Variants in TMTC2 observed in about 807,000 individuals in gnomAD.
TMTC2 encodes protein O-mannosyl-transferase TMTC2.
In TMTC2, 43 loss-of-function variants were observed where a neutral mutation model predicts 82.4. The observed-to-expected ratio is 0.52, with a 90% CI of 0.41 to 0.67. TMTC2 has a LOEUF of 0.67. Ranked by LOEUF, TMTC2 falls within the 30% of genes least tolerant of loss-of-function variation. The pLI is 0.00. For synonymous variants in TMTC2, 408 were observed against 381.9 expected, an observed-to-expected ratio of 1.07 and a Z score of -0.80; for missense variants, 919 against 1,012.4, an observed-to-expected ratio of 0.91 and a Z score of 1.25.
chr12:82,871,016 GAAAT>G, intron 2 of TMTC2, among the ~76,000 whole-genome samples: 1 of 152,318 alleles, frequency 6.6e-6, no homozygotes, highest in Non-Finnish European at 1.5e-5. Context: ...AAGAGGAAGA[GAAAT>G]AACCCATCTG....
At chr12:83,061,922 T>TTTTTGTTTTGTTTTG (rs139869818) in intron 11 of TMTC2, 91 bp downstream of exon 11, 2 of 1,067,634 alleles carry the variant, frequency 1.9e-6, no homozygotes, top group African/African-American at 1.7e-5. Context: ...GGTTTTTTGT[T>TTTTTGTTTTGTTTTG]TTTTGTTTTG....
intron 3 of TMTC2, among the ~76,000 whole-genome samples, chr12:82,923,099 G>C (rs1216417629): frequency 6.6e-6 from 1 of 152,038 alleles, no homozygotes; most frequent in East Asian, 1.9e-4. Flanking sequence ...GTCTGCCCCG[G>C]GCCACACTGC....
intron 11 of TMTC2, among the ~76,000 whole-genome samples, chr12:83,096,538 T>C (rs920478108): frequency 6.6e-5 from 10 of 152,180 alleles, no homozygotes; most frequent in African/African-American, 2.2e-4. Context: ...TTCACAATCA[T>C]GGCAGAAGGC....
intron 1 of TMTC2, among the ~76,000 whole-genome samples, chr12:82,836,042 C>T (rs1190682326): frequency 6.6e-6 from 1 of 152,132 alleles, no homozygotes; most frequent in Non-Finnish European, 1.5e-5. Context: ...TTCATGTTTT[C>T]CTTTGATAAT....
chr12:82,781,128 A>T (rs2137008950), intron 1 of TMTC2, among the ~76,000 whole-genome samples: 1 of 152,178 alleles, frequency 6.6e-6, no homozygotes, highest in South Asian at 2.1e-4. Flanking sequence ...CCCAAGATGG[A>T]TTTGAGCAAA....
intron 2 of TMTC2, among the ~76,000 whole-genome samples, chr12:82,891,636 G>A (rs994071988): frequency 1.3e-5 from 2 of 152,094 alleles, no homozygotes; most frequent in African/African-American, 4.8e-5. Context: ...AAAATTTTAT[G>A]AGAAAGCATC....
intron 7 of TMTC2, among the ~76,000 whole-genome samples, chr12:82,967,681 A>T (rs533448505): frequency 3.3e-5 from 5 of 152,248 alleles, no homozygotes; most frequent in African/African-American, 9.6e-5. Flanking sequence ...TTGGAAAAAA[A>T]TCCCTAAAGT....
intron 11 of TMTC2, among the ~76,000 whole-genome samples, chr12:83,095,216 TG>T (rs199742114): frequency 0.014 from 2,022 of 144,320 alleles, 46 homozygotes; most frequent in African/African-American, 0.051. Context: ...CAAAATTTCA[TG>T]GTTTTTTTTT....
intron 7 of TMTC2, among the ~76,000 whole-genome samples, chr12:82,978,911 T>C (rs1878800257): frequency 6.6e-6 from 1 of 151,802 alleles, no homozygotes; most frequent in East Asian, 1.9e-4. Context: ...TCTTGCTGAA[T>C]TGACACATGT....
At chr12:82,956,396 G>A (rs181452660) in intron 4 of TMTC2, among the ~76,000 whole-genome samples, 6 of 152,172 alleles carry the variant, frequency 3.9e-5, no homozygotes, top group African/African-American at 1.4e-4. Flanking sequence ...GATGTAGTAT[G>A]CAGACAGAAA....
intron 1 of TMTC2, among the ~76,000 whole-genome samples, chr12:82,744,556 G>A (rs1187545838): frequency 1.4e-5 from 2 of 142,196 alleles, no homozygotes; most frequent in South Asian, 2.3e-4. Flanking sequence ...CTGCACTCCA[G>A]CCTGGGCGAC....
intron 4 of TMTC2, among the ~76,000 whole-genome samples, chr12:82,961,180 G>T (rs1021967417): frequency 1.4e-5 from 2 of 141,016 alleles, no homozygotes; most frequent in African/African-American, 5.2e-5. Flanking sequence ...TGCTGAATAA[G>T]TTTCTCTGCC....
In TMTC2 at chr12:82,971,333, A is replaced by G. The variant is rs549835972; in HGVS notation, c.1948+4336A>G. ...TTAAAAATTAGCAAAAATTAAATAT[A>G]TAAAAACCTCTACAGTTTTACTATA... On this transcript the variant is annotated intron_variant, in intron 7 of 11. Transcript: ENST00000321196. Among the ~76,000 whole-genome samples the G allele has an allele frequency of 1.4e-4, 21 of 152,270 alleles. No homozygotes were observed. In the South Asian group the frequency reaches 2.7e-3, roughly 20 times the overall value.
chr12:83,033,011 G>C (rs1881505199), intron 9 of TMTC2, among the ~76,000 whole-genome samples: 2 of 152,128 alleles, frequency 1.3e-5, no homozygotes, highest in South Asian at 4.1e-4. Context: ...TTTTCTAAAG[G>C]AGGAATGACT....
At chr12:82,727,051 T>G (rs1296258119) in intron 1 of TMTC2, among the ~76,000 whole-genome samples, 1 of 151,932 alleles carries the variant, frequency 6.6e-6, no homozygotes, top group Non-Finnish European at 1.5e-5. Context: ...AAACTAGATG[T>G]TTTCTTTGTT....
chr12:82,982,007 CT>C (rs755625157), intron 7 of TMTC2, among the ~76,000 whole-genome samples: 537 of 137,514 alleles, frequency 3.9e-3, no homozygotes, highest in Admixed American at 4.1e-3. Context: ...TTGACATTTG[CT>C]TTTTTTTTTT....
chr12:83,011,127 G>A (rs559425279), intron 8 of TMTC2, among the ~76,000 whole-genome samples: 6 of 152,304 alleles, frequency 3.9e-5, no homozygotes, highest in Admixed American at 6.5e-5. Context: ...GAGCCACTGC[G>A]CCCGGCCTGA....
intron 3 of TMTC2, among the ~76,000 whole-genome samples, chr12:82,921,949 A>T (rs985429920): frequency 2.0e-5 from 3 of 151,544 alleles, no homozygotes; most frequent in Middle Eastern, 3.4e-3. Context: ...TTAAAATTAA[A>T]AAAAAAAAAA....
intron 2 of TMTC2, among the ~76,000 whole-genome samples, chr12:82,878,357 G>C (rs1160421684): frequency 6.6e-6 from 1 of 152,204 alleles, no homozygotes; most frequent in Non-Finnish European, 1.5e-5. Context: ...TACAGTAGTT[G>C]ATATCTTTCA....
Sources: allele counts gnomAD v4.1 joint callset (sites outside exome capture counted in the v4.1 genomes callset), GRCh38; gene constraint gnomAD v4.1.1; transcripts MANE v1.5; gene names NCBI Gene and HGNC (gene_info 2026-07-23, HGNC 2026-07-21).